RBFOX1: variants seen among roughly 807,000 people sequenced by gnomAD.
RBFOX1 encodes the protein RNA binding protein fox-1 homolog 1.
Under a neutral mutation model 57.7 loss-of-function variants are expected in RBFOX1, and 8 were observed. The observed-to-expected ratio is 0.14, with a 90% CI of 0.08 to 0.25. The LOEUF (loss-of-function observed/expected upper bound fraction) is 0.25, where lower values mean the gene tolerates loss of function less well. RBFOX1 is among the 10% of genes least tolerant of loss of function. The pLI, the probability that RBFOX1 is intolerant of heterozygous loss-of-function variation, is 1.00. For synonymous variants in RBFOX1, 326 were observed against 222.4 expected, an observed-to-expected ratio of 1.47 and a Z score of -4.15; for missense variants, 611 against 548.5, an observed-to-expected ratio of 1.11 and a Z score of -1.14.
intron 4 of RBFOX1, among the ~76,000 whole-genome samples, chr16:7,398,111 G>C (rs1033145646): frequency 6.6e-6 from 1 of 152,196 alleles, no homozygotes; most frequent in East Asian, 1.9e-4. Context: ...TAAAGAATTT[G>C]CAACACTAGG....
intron 2 of RBFOX1, chr16:5,467,294 G>A: frequency 2.1e-6 from 3 of 1,453,420 alleles, no homozygotes; most frequent in Non-Finnish European, 2.8e-6. Context: ...TGTCTGTGAA[G>A]TCTAGTGGAA....
intron 4 of RBFOX1, among the ~76,000 whole-genome samples, chr16:5,923,077 C>T (rs191134565): frequency 5.6e-4 from 85 of 152,238 alleles, no homozygotes; most frequent in East Asian, 1.2e-3. Flanking sequence ...TAACCTCTTC[C>T]GCTGCTTGCT....
chr16:5,916,213 A>G (rs573231777), intron 4 of RBFOX1, among the ~76,000 whole-genome samples: 1 of 152,100 alleles, frequency 6.6e-6, no homozygotes, highest in South Asian at 2.1e-4. Context: ...ACCCAGATGA[A>G]AGGATGATTT....
intron 4 of RBFOX1, among the ~76,000 whole-genome samples, chr16:7,257,154 C>A (rs149489627): frequency 6.6e-6 from 1 of 152,166 alleles, no homozygotes; most frequent in South Asian, 2.1e-4. Flanking sequence ...AAACCCTTTC[C>A]GGTCCAACTG....
At position 6,550,538 on chromosome 16, in the gene RBFOX1, C is replaced by G. The variant is rs929235429; in HGVS notation, c.-63-104065C>G. Among the ~76,000 whole-genome samples the G allele has an allele frequency of 2.6e-5, 4 of 152,130 alleles. No individual in the cohort carries two copies. The East Asian group carries it at 5.8e-4, about 22-fold the overall frequency. ...ACGGGGTTTCATGATGTTGACCAAGCTGGTGTTGGACTCCTGACCTCAAGT... is the reference window on the plus strand; with the variant it reads ...ACGGGGTTTCATGATGTTGACCAAGGTGGTGTTGGACTCCTGACCTCAAGT... On this transcript the variant is annotated intron_variant, in intron 2 of 15. Coordinates refer to ENST00000550418, the MANE Select transcript of RBFOX1 (RefSeq NM_018723.4).
intron 4 of RBFOX1, among the ~76,000 whole-genome samples, chr16:5,915,310 G>T (rs1274137051): frequency 6.6e-6 from 1 of 152,156 alleles, no homozygotes; most frequent in Non-Finnish European, 1.5e-5. Flanking sequence ...GTAGAGTCAA[G>T]ATAATTCAAC....
intron 3 of RBFOX1, among the ~76,000 whole-genome samples, chr16:6,907,783 A>T (rs997398991): frequency 2.7e-5 from 4 of 146,334 alleles, no homozygotes; most frequent in Non-Finnish European, 6.3e-5. Context: ...CATTTTGGCC[A>T]GGCTGGTCTC....
chr16:7,150,688 A>C (rs1170339974), intron 4 of RBFOX1, among the ~76,000 whole-genome samples: 1 of 152,260 alleles, frequency 6.6e-6, no homozygotes, highest in Non-Finnish European at 1.5e-5. Context: ...GTTTAGAAAG[A>C]GATAAGTCAA....
intron 4 of RBFOX1, among the ~76,000 whole-genome samples, chr16:7,114,393 G>C (rs1204825455): frequency 1.3e-5 from 2 of 152,166 alleles, no homozygotes. Flanking sequence ...CCCTGGGAAG[G>C]AAGTATATGC....
In RBFOX1 at chr16:6,301,515, G is replaced by A. The variant is rs551331238; in HGVS notation, c.-126-15480G>A. Among the ~76,000 whole-genome samples the A allele has an allele frequency of 1.5e-4, 23 of 152,116 alleles. No individual in the cohort carries two copies. The South Asian group carries it at 4.8e-3, about 32-fold the overall frequency. ...TGGAACATTATGAGATCTAGTTTCC[G>A]GAGATGTGAGTAAAATTAACTCCAT... is the stretch of plus-strand genomic sequence containing the variant. On this transcript the variant is annotated intron_variant, in intron 1 of 15. Coordinates refer to ENST00000550418, the MANE Select transcript of RBFOX1 (RefSeq NM_018723.4).
rs1186735495 is a variant in RBFOX1 at position 7,155,712 on chromosome 16, A to AAT, written c.27+103640_27+103641dup. Among the ~76,000 whole-genome samples, 587 of 77,340 alleles carry AAT rather than the reference A, an allele frequency of 7.6e-3. 7 individuals are homozygous for AAT. The highest frequency in any genetic ancestry group is 0.011 in the Non-Finnish European group (462 of 42,546). 50.7% of individuals were successfully genotyped at this position (77,340 alleles called of 152,430 possible). A position where few individuals can be genotyped will look rare whatever the true frequency, so the allele number is the denominator to read the frequency against. ...TCTCCTCCCACCAAAAAAAAAAAAAAATATATATATATATATATATATATA... is the reference window on the plus strand; with the variant it reads ...TCTCCTCCCACCAAAAAAAAAAAAAAATATATATATATATATATATATATATA... On this transcript the variant is annotated intron_variant, in intron 4 of 15. Transcript: ENST00000550418.
intron 1 of RBFOX1, among the ~76,000 whole-genome samples, chr16:6,211,360 C>T (rs889478117): frequency 4.6e-5 from 7 of 151,682 alleles, no homozygotes; most frequent in Non-Finnish European, 8.8e-5. Context: ...TCCCAGGTAG[C>T]TGAGACTACA....
chr16:6,424,159 A>C (rs1268322499), intron 2 of RBFOX1, among the ~76,000 whole-genome samples: 1 of 152,190 alleles, frequency 6.6e-6, no homozygotes, highest in Non-Finnish European at 1.5e-5. Context: ...GAATCACTTG[A>C]ACCCAGGAGG....
chr16:5,412,791 C>T (rs2067056496), intron 1 of RBFOX1, among the ~76,000 whole-genome samples: 1 of 152,250 alleles, frequency 6.6e-6, no homozygotes, highest in African/African-American at 2.4e-5. Context: ...GGGCTGGCAC[C>T]TACACACATA....
intron 4 of RBFOX1, among the ~76,000 whole-genome samples, chr16:7,315,461 C>CT (rs1555700250): frequency 6.6e-6 from 1 of 150,822 alleles, no homozygotes; most frequent in African/African-American, 2.4e-5. Flanking sequence ...ACCCTACCCC[C>CT]CCCCCCATAC....
intron 14 of RBFOX1, among the ~76,000 whole-genome samples, chr16:7,697,401 C>G (rs142777347): frequency 6.6e-6 from 1 of 152,082 alleles, no homozygotes; most frequent in Non-Finnish European, 1.5e-5. Flanking sequence ...GAAAGCAAAC[C>G]CTTTATCCCT....
chr16:5,298,026 A>T (rs1370500784), intron 1 of RBFOX1, among the ~76,000 whole-genome samples: 1,638 of 152,332 alleles, frequency 0.011, 21 homozygotes, highest in African/African-American at 0.038. Context: ...TTTCCCATTG[A>T]ATTAACTTTT....
intron 4 of RBFOX1, among the ~76,000 whole-genome samples, chr16:5,886,060 G>C (rs547122465): frequency 6.6e-6 from 1 of 152,176 alleles, no homozygotes; most frequent in Non-Finnish European, 1.5e-5. Context: ...CTCCCGCTCT[G>C]CCGTATCAAA....
intron 3 of RBFOX1, among the ~76,000 whole-genome samples, chr16:5,675,519 G>A (rs1004314156): frequency 5.9e-5 from 9 of 152,148 alleles, no homozygotes; most frequent in African/African-American, 1.9e-4. Context: ...TTTCTCAATT[G>A]GACCCAACTT....
Sources: gnomAD v4.1 joint callset for allele counts (sites outside exome capture counted in the v4.1 genomes callset) on GRCh38, gnomAD v4.1.1 for gene constraint, MANE v1.5 for transcripts, NCBI Gene and HGNC (gene_info 2026-07-23, HGNC 2026-07-21) for gene names.